GATA4: variants seen among roughly 807,000 people sequenced by gnomAD.
The protein encoded by GATA4 is GATA binding protein 4.
A neutral mutation model predicts 37.9 loss-of-function variants in GATA4; 7 were observed. The ratio of observed to expected loss-of-function variants is 0.18; its 90% CI spans 0.11 to 0.35. The LOEUF (loss-of-function observed/expected upper bound fraction) is 0.35. Ranked by LOEUF, GATA4 falls within the 10% of genes least tolerant of loss-of-function variation. The probability of loss-of-function intolerance (pLI) is 1.00; values close to 1 mark genes in which losing one functional copy is unlikely to be tolerated. For missense variants in GATA4, 647 were observed against 653.0 expected, an observed-to-expected ratio of 0.99 and a Z score of 0.10; for synonymous variants, 372 against 292.6, an observed-to-expected ratio of 1.27 and a Z score of -2.77.
At chr8:11,692,485 C>T, upstream of GATA4, 2 of 982,842 alleles carry the variant, frequency 2.0e-6, no homozygotes, top group Non-Finnish European at 2.4e-6. Context: ...CCTGAATTTT[C>T]TCCTCCCGTG....
chr8:11,697,946 G>C, intron 1 of GATA4: 1 of 985,458 alleles, frequency 1.0e-6, no homozygotes, highest in Non-Finnish European at 1.2e-6. Context: ...TGAGGTCTTG[G>C]GCCTGGCGGC....
rs1372778585 is a variant in GATA4, at chr8:11,708,831, G to GGCCGCAGCC, written c.525_533dup (p.Ala177_Ala179dup). Reference sequence around the variant, plus strand: ...ACATGGCCGACGTGGGCGCGTCCTGGGCCGCAGCCGCCGCCGCCTCCGCCG... The same window carrying GGCCGCAGCC: ...ACATGGCCGACGTGGGCGCGTCCTGGGCCGCAGCCGCCGCAGCCGCCGCCGCCTCCGCCG... On this transcript the variant is annotated inframe_insertion, in exon 2 of 7. Coordinates refer to ENST00000532059, the MANE Select transcript of GATA4 (RefSeq NM_001308093.3). This position sits in a 1 kb window ranked among gnomAD's most constrained non-coding sequence, Gnocchi z 6.7. 8 of 1,495,050 alleles carry GGCCGCAGCC rather than the reference G, an allele frequency of 5.4e-6. No homozygotes were observed. The Admixed American group carries it at 1.7e-4, about 32-fold the overall frequency. 92.6% of individuals were successfully genotyped at this position (1,495,050 alleles called of 1,614,324 possible). A position where few individuals can be genotyped will look rare whatever the true frequency, so the allele number is the denominator to read the frequency against.
chr8:11,722,040 C>T (rs956846231), intron 2 of GATA4, among the ~76,000 whole-genome samples: 1 of 152,116 alleles, frequency 6.6e-6, no homozygotes, highest in Admixed American at 6.5e-5. Flanking sequence ...TTGAGACAGA[C>T]TCTCACTTTG....
chr8:11,680,854 C>G, intron 1 of GATA4: 1 of 985,402 alleles, frequency 1.0e-6, no homozygotes, highest in Non-Finnish European at 1.2e-6. Context: ...CATAGCGAAG[C>G]CCCTGACCCA....
intron 1 of GATA4, among the ~76,000 whole-genome samples, chr8:11,698,154 G>T (rs1799562990): frequency 6.6e-6 from 1 of 152,292 alleles, no homozygotes; most frequent in East Asian, 1.9e-4. Flanking sequence ...CTCCCAGCTC[G>T]CCTTAACTTC....
chr8:11,729,555 CA>C (rs58397100), intron 2 of GATA4, among the ~76,000 whole-genome samples: 173 of 139,700 alleles, frequency 1.2e-3, no homozygotes, highest in Middle Eastern at 3.6e-3. Context: ...GACTGTGTCT[CA>C]AAAAAAAAAA....
chr8:11,749,406 AGTGTTGACTG>A lies in GATA4; in HGVS notation c.786+323_786+332del, dbSNP rs1802184573. Among the ~76,000 whole-genome samples the A allele has an allele frequency of 2.6e-5, 4 of 152,132 alleles. No individual in the cohort carries two copies. Among genetic ancestry groups the A allele is most frequent in the Admixed American group, 2.0e-4 (3 of 15,276 alleles). ...ATCCAGGTTTCCTGGTTCCCAGTCCAGTGTTGACTGGAGTGTCTCCTCCACCCACACCAAC... is the reference window on the plus strand; with the variant it reads ...ATCCAGGTTTCCTGGTTCCCAGTCCAGAGTGTCTCCTCCACCCACACCAAC... On this transcript the variant is annotated intron_variant, in intron 3 of 6. Coordinates refer to ENST00000532059, the MANE Select transcript of GATA4 (RefSeq NM_001308093.3). The surrounding 1 kb of genome is among the most constrained non-coding windows in gnomAD (Gnocchi z 4.6).
chr8:11,739,331 C>A (rs1420194686), intron 2 of GATA4, among the ~76,000 whole-genome samples: 1 of 152,154 alleles, frequency 6.6e-6, no homozygotes, highest in Non-Finnish European at 1.5e-5. Context: ...TACCATTGGG[C>A]GTTTTGGTTG....
At chr8:11,700,675 G>T (rs1333123484), upstream of GATA4, 1 of 152,392 alleles carries the variant, frequency 6.6e-6, no homozygotes. Flanking sequence ...TGCAGGACTC[G>T]GCATTCGTTC....
intron 2 of GATA4, among the ~76,000 whole-genome samples, chr8:11,741,004 G>A (rs1178978836): frequency 4.6e-5 from 7 of 152,124 alleles, no homozygotes; most frequent in South Asian, 4.2e-4. Flanking sequence ...AAAGTGCTGC[G>A]ATTACAGGCA....
intron 4 of GATA4, among the ~76,000 whole-genome samples, chr8:11,752,998 A>G (rs1007211454): frequency 3.3e-5 from 5 of 152,226 alleles, no homozygotes; most frequent in African/African-American, 9.6e-5. Context: ...TAAAAAGATT[A>G]TATTCTCAGA....
Position 11,708,760 on chromosome 8 carries a change from G to C in GATA4, c.448G>C (p.Gly150Arg), listed in dbSNP as rs1024075653. The C allele has an allele frequency of 1.4e-6, 2 of 1,414,762 alleles. No homozygotes were observed. The highest frequency in any genetic ancestry group is 1.5e-5 in the African/African-American group (1 of 66,818). 87.6% of individuals were successfully genotyped at this position (1,414,762 alleles called of 1,614,324 possible). A position where few individuals can be genotyped will look rare whatever the true frequency, so the allele number is the denominator to read the frequency against. Reference sequence around the variant, plus strand: ...GGGCCTGGCGGGCCGCGAGCAGTACGGGCGCGCCGGCTTCGCGGGCTCCTA... The same window carrying C: ...GGGCCTGGCGGGCCGCGAGCAGTACCGGCGCGCCGGCTTCGCGGGCTCCTA... ...GAGLAGREQY[G>R]RAGFAGSYSS... Residue 150 changes from glycine (G) to arginine (R), a missense_variant, in exon 2 of 7, where the codon GGG becomes CGG. Coordinates refer to ENST00000532059, the MANE Select transcript of GATA4 (RefSeq NM_001308093.3). This position sits in a 1 kb window ranked among gnomAD's most constrained non-coding sequence, Gnocchi z 6.7.
chr8:11,712,546 AG>A (rs1800236384), intron 2 of GATA4, among the ~76,000 whole-genome samples: 1 of 151,748 alleles, frequency 6.6e-6, no homozygotes, highest in African/African-American at 2.4e-5. Flanking sequence ...ACCATTTTAT[AG>A]GAAAAAAAAG....
chr8:11,758,988 A>G lies in GATA4; in HGVS notation c.*513A>G, dbSNP rs896319694. The stretch of plus-strand genomic sequence containing the variant: ...CATCCCTAATACCAAATCTGACTCC[A>G]AAATTGTGGGGTGTGACATACAAGT... On this transcript the variant is annotated 3_prime_UTR_variant, in exon 7 of 7. Transcript: ENST00000532059. 1.4e-5 allele frequency: 3 copies of G among 210,760 alleles called. No homozygotes were observed. The highest frequency in any genetic ancestry group is 6.9e-5 in the African/African-American group (3 of 43,630). 13.1% of individuals were successfully genotyped at this position (210,760 alleles called of 1,614,324 possible). A position where few individuals can be genotyped will look rare whatever the true frequency, so the allele number is the denominator to read the frequency against.
intron 2 of GATA4, among the ~76,000 whole-genome samples, chr8:11,716,354 G>A (rs1800432218): frequency 6.6e-6 from 1 of 151,830 alleles, no homozygotes; most frequent in South Asian, 2.1e-4. Context: ...GTTTATGGAT[G>A]CACAGGAAAA....
intron 2 of GATA4, among the ~76,000 whole-genome samples, chr8:11,744,896 T>C (rs1366475671): frequency 2.0e-5 from 3 of 152,222 alleles, no homozygotes; most frequent in African/African-American, 7.2e-5. Flanking sequence ...GGGTCTGCCA[T>C]GAGTCCCCCA....
chr8:11,758,264 G>A lies in GATA4; in HGVS notation c.1150-29G>A, dbSNP rs368426162. 2.7e-5 allele frequency: 43 copies of A among 1,613,372 alleles called. No individual in the cohort carries two copies. The African/African-American group carries it at 4.5e-4, about 17-fold the overall frequency. On this transcript the variant is annotated intron_variant, in intron 6 of 6. Coordinates refer to ENST00000532059, the MANE Select transcript of GATA4 (RefSeq NM_001308093.3). ...CCAAGCCCTCAGGAGCGTCTCCATG[G>A]GCCTCATCGTGTGCTTTCTGCTTTT... is the stretch of plus-strand genomic sequence containing the variant.
chr8:11,712,318 G>A (rs1038551985), intron 2 of GATA4, among the ~76,000 whole-genome samples: 1 of 152,098 alleles, frequency 6.6e-6, no homozygotes, highest in African/African-American at 2.4e-5. Context: ...TGTGAAAATG[G>A]GTGCATTACC....
chr8:11,677,728 G>A lies in GATA4; in HGVS notation c.-274+665G>A, dbSNP rs150145203. Among the ~76,000 whole-genome samples the A allele has an allele frequency of 2.2e-4, 34 of 152,214 alleles. No homozygotes were observed. In the East Asian group the frequency reaches 2.7e-3, roughly 12 times the overall value. ...GTCGGATACTTTTCTTTGCCTATTC[G>A]CAGATCAAGGGTCAGCCAGGCTTGG... On this transcript the variant is annotated intron_variant, in intron 1 of 6. Coordinates refer to the GATA4 transcript ENST00000528712.
Sources: allele counts gnomAD v4.1 joint callset (sites outside exome capture counted in the v4.1 genomes callset), GRCh38; gene constraint gnomAD v4.1.1; non-coding constraint Gnocchi (gnomAD v3.1); transcripts MANE v1.5; gene names NCBI Gene and HGNC (gene_info 2026-07-23, HGNC 2026-07-21).